Variants in TDP1 observed in about 807,000 individuals in gnomAD.
TDP1 encodes tyr-DNA phosphodiesterase 1.
A neutral mutation model predicts 81.5 loss-of-function variants in TDP1; 64 were observed. That is an observed-to-expected ratio of 0.79 (90% CI 0.64 to 0.97). TDP1 has a LOEUF of 0.97. Among genes scored for constraint, TDP1 ranks in the 50% least tolerant of loss-of-function variants. The pLI, the probability that TDP1 is intolerant of heterozygous loss-of-function variation, is 0.00. For synonymous variants in TDP1, 256 were observed against 264.3 expected (o/e 0.97, Z 0.30); for missense variants, 723 against 743.8 (o/e 0.97, Z 0.33).
chr14:89,957,348 C>T (rs1446269962), intron 2 of TDP1, among the ~76,000 whole-genome samples: 1 of 152,144 alleles, frequency 6.6e-6, no homozygotes, highest in African/African-American at 2.4e-5. Context: ...AATAGCTGCC[C>T]AGTAAGTTAT....
chr14:90,024,651 A>G (rs934044966), intron 15 of TDP1, among the ~76,000 whole-genome samples: 4 of 152,212 alleles, frequency 2.6e-5, no homozygotes, highest in Non-Finnish European at 5.9e-5. Context: ...GGAATAGCTC[A>G]TCTGTAGCTG....
intron 2 of TDP1, among the ~76,000 whole-genome samples, chr14:89,957,858 T>C (rs529832511): frequency 1.4e-4 from 21 of 152,362 alleles, no homozygotes; most frequent in Non-Finnish European, 2.9e-4. Context: ...TCAGGGCCGC[T>C]TTGCCAGCTG....
At chr14:89,957,326 T>C in intron 2 of TDP1, 1 of 152,214 alleles carries the variant, frequency 6.6e-6, no homozygotes, top group East Asian at 1.9e-4. Flanking sequence ...TCATTCCCAG[T>C]TTTTGGTACA....
At chr14:90,019,808 G>A (rs776107524) in intron 15 of TDP1, among the ~76,000 whole-genome samples, 31 of 152,216 alleles carry the variant, frequency 2.0e-4, no homozygotes, top group East Asian at 1.2e-3. Context: ...AAGTTGGGAA[G>A]CAGGAGAGCT....
intron 13 of TDP1, chr14:89,992,984 A>G: frequency 3.1e-6 from 3 of 969,930 alleles, no homozygotes; most frequent in Non-Finnish European, 3.7e-6. Flanking sequence ...GTTTCATTCA[A>G]CAAGCTTTTG....
At chr14:89,981,092 T>G (rs1465508803) in intron 8 of TDP1, among the ~76,000 whole-genome samples, 1 of 152,238 alleles carries the variant, frequency 6.6e-6, no homozygotes, top group African/African-American at 2.4e-5. Context: ...ACCTGTATTT[T>G]TGCTTACCAC....
At chr14:89,993,510 G>A (rs1375815328) in intron 14 of TDP1, 27 bp downstream of exon 14, 3 of 1,610,106 alleles carry the variant, frequency 1.9e-6, no homozygotes, top group Non-Finnish European at 2.5e-6. Flanking sequence ...TTCCTGATGG[G>A]AGAAATCTTT....
At chr14:89,994,264 ATCT>A (rs1038147386) in intron 14 of TDP1, among the ~76,000 whole-genome samples, 3 of 152,200 alleles carry the variant, frequency 2.0e-5, no homozygotes, top group Non-Finnish European at 4.4e-5. Flanking sequence ...AGCCACTTAC[ATCT>A]TCTTGGCGAG....
At chr14:90,004,168 G>C (rs1407121938) in intron 14 of TDP1, among the ~76,000 whole-genome samples, 4 of 152,126 alleles carry the variant, frequency 2.6e-5, no homozygotes, top group African/African-American at 9.7e-5. Flanking sequence ...TCTGGTACAA[G>C]CAGAGTGAAG....
At chr14:89,966,805 G>T (rs1275319622) in intron 4 of TDP1, among the ~76,000 whole-genome samples, 1 of 152,206 alleles carries the variant, frequency 6.6e-6, no homozygotes, top group African/African-American at 2.4e-5. Flanking sequence ...GAGTTACTAA[G>T]TCCAGGATTA....
intron 6 of TDP1, among the ~76,000 whole-genome samples, chr14:89,973,982 G>A (rs1322382224): frequency 1.3e-5 from 2 of 152,064 alleles, no homozygotes; most frequent in Non-Finnish European, 2.9e-5. Context: ...CAGTCCTGTT[G>A]GATCAGGATC....
At position 90,011,303 on chromosome 14, in the gene TDP1, G is replaced by C. The variant is rs187328266; in HGVS notation, c.1542-8013G>C. 1.5e-3 allele frequency among the ~76,000 whole-genome samples: 230 copies of C among 152,268 alleles called. 2 individuals carry two copies. The highest frequency in any genetic ancestry group is 5.1e-3 in the African/African-American group (213 of 41,542). ...TATAGTAAATTGCTACCGGTAGAGT[G>C]GGGTGCTGTTATAAGGATACCCAAA... On this transcript the variant is annotated intron_variant, in intron 14 of 16. Coordinates refer to ENST00000335725, the MANE Select transcript of TDP1 (RefSeq NM_018319.4).
At chr14:90,034,103 A>G (rs1887589899) in intron 16 of TDP1, among the ~76,000 whole-genome samples, 1 of 152,180 alleles carries the variant, frequency 6.6e-6, no homozygotes, top group African/African-American at 2.4e-5. Context: ...AATTTCCAAA[A>G]AGAAGAAAAT....
chr14:90,019,314 A>C lies in TDP1; in HGVS notation c.1542-2A>C. On this transcript the variant is annotated splice_acceptor_variant, in intron 14 of 16. Coordinates refer to ENST00000335725, the MANE Select transcript of TDP1 (RefSeq NM_018319.4). LOFTEE classifies it high-confidence loss of function. The stretch of plus-strand genomic sequence containing the variant: ...GCCCTATCTGTGTCCTTGTCTCTGC[A>C]GCGCAAATCTGTCCAAGGCTGCCTG... 1.3e-6 allele frequency: 2 copies of C among 1,595,532 alleles called. No individual in the cohort carries two copies. The highest frequency in any genetic ancestry group is 2.2e-5 in the South Asian group (2 of 90,644).
intron 16 of TDP1, among the ~76,000 whole-genome samples, chr14:90,041,595 G>A (rs372621997): frequency 6.6e-6 from 1 of 152,218 alleles, no homozygotes; most frequent in African/African-American, 2.4e-5. Context: ...GAAAGGGAAA[G>A]GTTGCCCCAG....
chr14:89,996,627 T>C (rs914123833), intron 14 of TDP1, among the ~76,000 whole-genome samples: 3 of 152,154 alleles, frequency 2.0e-5, no homozygotes, highest in Non-Finnish European at 2.9e-5. Flanking sequence ...CTAGATGAGA[T>C]GGTCATGTCT....
intron 5 of TDP1, among the ~76,000 whole-genome samples, chr14:89,969,722 TTC>T (rs1388693952): frequency 4.6e-5 from 7 of 152,198 alleles, no homozygotes; most frequent in Admixed American, 6.5e-5. Context: ...AAATAGATGT[TTC>T]TCTCTAGTTG....
intron 5 of TDP1, 60 bp downstream of exon 5, chr14:89,967,482 A>G (rs1278698945): frequency 3.5e-6 from 5 of 1,426,990 alleles, no homozygotes; most frequent in Non-Finnish European, 5.0e-6. Context: ...GACACCTAAG[A>G]TTTGTATTTC....
At chr14:89,984,193 A>G in intron 8 of TDP1, 1 of 985,418 alleles carries the variant, frequency 1.0e-6, no homozygotes, top group Non-Finnish European at 1.2e-6. Flanking sequence ...AGAAAGCAAT[A>G]TATAGGTGCA....
Sources: gnomAD v4.1 joint callset for allele counts (sites outside exome capture counted in the v4.1 genomes callset) on GRCh38, gnomAD v4.1.1 for gene constraint, MANE v1.5 for transcripts, NCBI Gene and HGNC (gene_info 2026-07-23, HGNC 2026-07-21) for gene names.